The following CALCOCO1 variants were observed in gnomAD, a reference collection of about 807,000 sequenced individuals.
CALCOCO1 encodes the protein calcium-binding and coiled-coil domain-containing protein 1.
In CALCOCO1, 44 loss-of-function variants were observed where a neutral mutation model predicts 86.3. That is an observed-to-expected ratio of 0.51 (90% CI 0.40 to 0.66). CALCOCO1 has a LOEUF of 0.66. Ranked by LOEUF, CALCOCO1 falls within the 30% of genes least tolerant of loss-of-function variation. The pLI, the probability that CALCOCO1 is intolerant of heterozygous loss-of-function variation, is 0.00. For synonymous variants in CALCOCO1, 297 were observed against 327.6 expected, an observed-to-expected ratio of 0.91 and a Z score of 1.01; for missense variants, 708 against 851.1, an observed-to-expected ratio of 0.83 and a Z score of 2.09.
intron 8 of CALCOCO1, 100 bp from the exon 9 acceptor site, chr12:53,716,147 G>T: frequency 6.3e-7 from 1 of 1,580,042 alleles, no homozygotes; most frequent in Non-Finnish European, 8.6e-7. Flanking sequence ...AGGACTCGGG[G>T]TTGTGTTGTT....
chr12:53,722,232 C>T, intron 4 of CALCOCO1, 49 bp from the exon 5 acceptor site: 2 of 1,602,920 alleles, frequency 1.2e-6, no homozygotes, highest in Non-Finnish European at 1.7e-6. Context: ...AGTACCCCTT[C>T]TAAGGTCCCA....
Position 53,711,992 on chromosome 12 carries a change from C to T in CALCOCO1, c.2028G>A (p.Met676Ile). The T allele has an allele frequency of 6.2e-7, 1 of 1,604,824 alleles. No homozygotes were observed. The highest frequency in any genetic ancestry group is 1.1e-5 in the South Asian group (1 of 89,560). The change falls in exon 15 of 15, where the codon ATG becomes ATA. Residue 676 changes from methionine to isoleucine, a missense_variant. Physicochemically the swap from Met to Ile is conservative, Grantham distance 10. Coordinates refer to ENST00000550804, the MANE Select transcript of CALCOCO1 (RefSeq NM_020898.3). ...ESDKDALEDH[M>I]DGHFFFSTQD... is the part of the protein sequence containing the mutation. ...GGGTGCTGAAAAAGAAGTGTCCATC[C>T]ATGTGGTCCTCCAGGGCATCCTTGT...
chr12:53,714,017 GA>G, intron 12 of CALCOCO1, 115 bp downstream of exon 12: 2 of 1,324,036 alleles, frequency 1.5e-6, no homozygotes, highest in Non-Finnish European at 2.1e-6. Context: ...GTCTGGGAAA[GA>G]AAAGGCAAAA....
At chr12:53,724,084 G>T in intron 3 of CALCOCO1, 1 of 412,130 alleles carries the variant, frequency 2.4e-6, no homozygotes, top group Non-Finnish European at 4.6e-6. Context: ...AGGCTGGAGT[G>T]CAGTGGCGCG....
rs78731604 is a variant in CALCOCO1 at position 53,725,208 on chromosome 12, C to T, written c.35G>A (p.Arg12His). The change falls in exon 2 of 15, where the codon CGT becomes CAT. Residue 12 changes from arginine (R) to histidine (H), a missense_variant. Coordinates refer to ENST00000550804, the MANE Select transcript of CALCOCO1 (RefSeq NM_020898.3). ...EESPLSRAPS[R>H]GGVNFLNVAR... ...TACATTGAGAAAGTTGACTCCACCA[C>T]GGGATGGTGCCCGGCTTAGTGGTGA... 6,020 of 1,610,360 alleles carry T rather than the reference C, an allele frequency of 3.7e-3. 16 individuals carry two copies. Among genetic ancestry groups the T allele is most frequent in the South Asian group, 6.8e-3 (619 of 90,532 alleles).
rs1158062137 is a variant in CALCOCO1, at chr12:53,713,127, A to C, written c.1871T>G (p.Leu624Arg). Residue 624 changes from leucine to arginine, a missense_variant, in exon 14 of 15, where the codon CTG becomes CGG. Physicochemically the swap from Leu to Arg is moderately radical, Grantham distance 102. Coordinates refer to ENST00000550804, the MANE Select transcript of CALCOCO1 (RefSeq NM_020898.3). ...GEEANLLLPE[L>R]GSAFYDMASG... ...GGCCATGTCATAGAAGGCACTGCCCAGTTCAGGAAGCAGTAAGTTGGCCTC... is the reference window on the plus strand; with the variant it reads ...GGCCATGTCATAGAAGGCACTGCCCCGTTCAGGAAGCAGTAAGTTGGCCTC... 2 of 1,613,992 alleles carry C rather than the reference A, an allele frequency of 1.2e-6. No individual in the cohort carries two copies. Among genetic ancestry groups the C allele is most frequent in the Admixed American group, 1.7e-5 (1 of 60,014 alleles).
intron 9 of CALCOCO1, 103 bp downstream of exon 9, chr12:53,715,690 C>T: frequency 6.7e-7 from 1 of 1,495,764 alleles, no homozygotes; most frequent in Non-Finnish European, 9.1e-7. Context: ...CTAAGGTTCT[C>T]AACCCCTCTT....
At chr12:53,725,708 A>C (rs1243896661) in intron 1 of CALCOCO1, 1 of 152,600 alleles carries the variant, frequency 6.6e-6, no homozygotes, top group Admixed American at 6.5e-5. Context: ...AAGCTTGTTG[A>C]CCCAGCTGTA....
chr12:53,716,552 C>T, intron 7 of CALCOCO1, 137 bp from the exon 8 acceptor site: 3 of 855,482 alleles, frequency 3.5e-6, no homozygotes, highest in Non-Finnish European at 5.4e-6. Context: ...TATTGCCAGC[C>T]CTTCTTGGGT....
At chr12:53,726,550 T>C (rs1254362869) in intron 1 of CALCOCO1, among the ~76,000 whole-genome samples, 1 of 152,006 alleles carries the variant, frequency 6.6e-6, no homozygotes, top group Non-Finnish European at 1.5e-5. Flanking sequence ...CCAGCCATTG[T>C]CACTAGTCAT....
At position 53,713,719 on chromosome 12, in the gene CALCOCO1, C is replaced by T. The variant is rs199692489; in HGVS notation, c.1773G>A (p.Glu591=). ...TGCTCACCGAGTCAGAGCTACTGTC[C>T]TCAGCTGGCCCAGAGAGGTGAGGAG... ...PISPHLSGPA[E]DSSSDSEAED... The change falls in exon 13 of 15, where the codon GAG becomes GAA. Residue 591 remains glutamate (E), a synonymous_variant. Coordinates refer to ENST00000550804, the MANE Select transcript of CALCOCO1 (RefSeq NM_020898.3). 4.4e-5 allele frequency: 69 copies of T among 1,576,106 alleles called. No individual in the cohort carries two copies. The highest frequency in any genetic ancestry group is 1.1e-4 in the Admixed American group (6 of 53,152).
chr12:53,724,308 G>GT, intron 3 of CALCOCO1: 1 of 382,622 alleles, frequency 2.6e-6, no homozygotes, highest in Non-Finnish European at 5.1e-6. Flanking sequence ...CAAACAGCTT[G>GT]TAAGTGTTAG....
chr12:53,713,838 A>G lies in CALCOCO1; in HGVS notation c.1654T>C (p.Tyr552His). 1 of 1,551,012 alleles carries G rather than the reference A, an allele frequency of 6.4e-7. No individual in the cohort carries two copies. The highest frequency in any genetic ancestry group is 8.7e-7 in the Non-Finnish European group (1 of 1,150,658). ...ESPEDMRLPP[Y>H]GLCERGDPGS... ...GGGTCTCCACGCTCACAAAGGCCAT[A>G]GGGTGGGAGCCTCATGTCTTCTGGG... The change falls in exon 13 of 15, where the codon TAT becomes CAT. Residue 552 changes from tyrosine to histidine, a missense_variant. Transcript: ENST00000550804.
intron 9 of CALCOCO1, 134 bp downstream of exon 9, chr12:53,715,659 G>T: frequency 8.2e-7 from 1 of 1,222,310 alleles, no homozygotes; most frequent in Non-Finnish European, 1.1e-6. Flanking sequence ...CTCCCTCAAA[G>T]CCCCTCTCCA....
At chr12:53,724,070 G>T (rs1405695254) in intron 3 of CALCOCO1, 1 of 414,940 alleles carries the variant, frequency 2.4e-6, no homozygotes, top group Admixed American at 3.7e-5. Context: ...TTGCTCCATC[G>T]CCCAGGCTGG....
chr12:53,712,169 C>A, intron 14 of CALCOCO1, 48 bp from the exon 15 acceptor site: 1 of 1,510,514 alleles, frequency 6.6e-7, no homozygotes, highest in East Asian at 2.5e-5. Context: ...GCTCTGTTCC[C>A]TTCTTGACTT....
intron 3 of CALCOCO1, 149 bp from the exon 4 acceptor site, chr12:53,723,932 C>T: frequency 1.5e-6 from 1 of 666,586 alleles, no homozygotes; most frequent in Non-Finnish European, 2.5e-6. Context: ...CCTCTCCTTC[C>T]TTTCTTTCCC....
chr12:53,708,622 A>G lies in CALCOCO1; in HGVS notation c.*3322T>C, dbSNP rs991161567. 1.3e-5 allele frequency: 2 copies of G among 152,200 alleles called. No individual in the cohort carries two copies. Among genetic ancestry groups the G allele is most frequent in the African/African-American group, 4.8e-5 (2 of 41,444 alleles). 9.4% of individuals were successfully genotyped at this position (152,200 alleles called of 1,614,324 possible). A position where few individuals can be genotyped will look rare whatever the true frequency, so the allele number is the denominator to read the frequency against. On this transcript the variant is annotated 3_prime_UTR_variant, in exon 15 of 15. Transcript: ENST00000550804. ...TTTTGTATGTATAAAACATTTCATT[A>G]AAATAACTTAAAGATTATTTCTGGA...
chr12:53,715,699 T>G, intron 9 of CALCOCO1, 94 bp downstream of exon 9: 1 of 1,525,858 alleles, frequency 6.6e-7, no homozygotes, highest in South Asian at 1.2e-5. Context: ...TCAACCCCTC[T>G]TCTCTCCTCC....
Sources: gnomAD v4.1 joint callset for allele counts (sites outside exome capture counted in the v4.1 genomes callset) on GRCh38, gnomAD v4.1.1 for gene constraint, MANE v1.5 for transcripts, NCBI Gene and HGNC (gene_info 2026-07-23, HGNC 2026-07-21) for gene names.